The following NALF1 variants were observed in gnomAD, a reference collection of about 807,000 sequenced individuals.
The protein encoded by NALF1 is family with sequence similarity 155 member A.
In NALF1, 3 loss-of-function variants were observed where a neutral mutation model predicts 48.4. That is an observed-to-expected ratio of 0.06 (90% CI 0.03 to 0.16). The LOEUF is 0.16. Among genes scored for constraint, NALF1 ranks in the 10% least tolerant of loss-of-function variants. The pLI, the probability that NALF1 is intolerant of heterozygous loss-of-function variation, is 1.00. For missense variants in NALF1, 526 were observed against 571.5 expected, an observed-to-expected ratio of 0.92 and a Z score of 0.81; for synonymous variants, 262 against 245.7, an observed-to-expected ratio of 1.07 and a Z score of -0.62.
intron 1 of NALF1, among the ~76,000 whole-genome samples, chr13:107,298,284 A>G (rs1881763534): frequency 7.8e-6 from 1 of 127,944 alleles, no homozygotes; most frequent in Non-Finnish European, 1.6e-5. Context: ...CAGGAGGCGG[A>G]GCTTGCAGTG....
chr13:107,707,242 A>G (rs1316227467), intron 1 of NALF1, among the ~76,000 whole-genome samples: 3 of 152,164 alleles, frequency 2.0e-5, no homozygotes, highest in Non-Finnish European at 2.9e-5. Context: ...TTATGATATT[A>G]TGTCACTAGA....
At chr13:107,850,830 G>C (rs1377771201) in intron 1 of NALF1, among the ~76,000 whole-genome samples, 1 of 152,010 alleles carries the variant, frequency 6.6e-6, no homozygotes, top group African/African-American at 2.4e-5. Flanking sequence ...TTGAACCCAG[G>C]AGGCAGAGGT....
chr13:107,848,581 C>G (rs952563803), intron 1 of NALF1, among the ~76,000 whole-genome samples: 2 of 152,156 alleles, frequency 1.3e-5, no homozygotes, highest in African/African-American at 4.8e-5. Flanking sequence ...TGTGGACAAA[C>G]AGTAACACAT....
Position 107,331,544 on chromosome 13 carries a change from C to T in NALF1, c.916-120789G>A, listed in dbSNP as rs190609637. On this transcript the variant is annotated intron_variant, in intron 1 of 2. Coordinates refer to ENST00000375915, the MANE Select transcript of NALF1 (RefSeq NM_001080396.3). ...GTGGTTTTTACCATAAAAGTGATGG[C>T]CAAAACCGCAATTACTTTTGCACCA... Among the ~76,000 whole-genome samples, 295 of 152,118 alleles carry T rather than the reference C, an allele frequency of 1.9e-3. 1 individual carries two copies. Among genetic ancestry groups the T allele is most frequent in the African/African-American group, 6.7e-3 (279 of 41,494 alleles).
intron 1 of NALF1, among the ~76,000 whole-genome samples, chr13:107,494,078 T>C (rs1157076640): frequency 1.3e-5 from 2 of 150,426 alleles, no homozygotes; most frequent in Admixed American, 1.3e-4. Context: ...AATGTGGTTC[T>C]GAAAATTGAT....
intron 1 of NALF1, among the ~76,000 whole-genome samples, chr13:107,399,379 A>G (rs1175511177): frequency 6.6e-6 from 1 of 152,178 alleles, no homozygotes; most frequent in Non-Finnish European, 1.5e-5. Context: ...AAAATGATCA[A>G]CATTCATAAC....
At chr13:107,859,531 GTACAA>G (rs945782036) in intron 1 of NALF1, among the ~76,000 whole-genome samples, 4 of 152,124 alleles carry the variant, frequency 2.6e-5, no homozygotes, top group Admixed American at 6.5e-5. Context: ...ATGCATTCCA[GTACAA>G]TACAACTGTA....
chr13:107,313,098 A>C (rs115255239), intron 1 of NALF1, among the ~76,000 whole-genome samples: 1 of 152,258 alleles, frequency 6.6e-6, no homozygotes, highest in Admixed American at 6.5e-5. Flanking sequence ...CTTGGAAGAT[A>C]AAATGGAGAA....
At chr13:107,641,309 C>A (rs753752645) in intron 1 of NALF1, among the ~76,000 whole-genome samples, 1 of 151,984 alleles carries the variant, frequency 6.6e-6, no homozygotes, top group Non-Finnish European at 1.5e-5. Context: ...AAATACCATT[C>A]GATACAAGGA....
intron 1 of NALF1, among the ~76,000 whole-genome samples, chr13:107,436,312 A>AT (rs928269645): frequency 2.6e-5 from 4 of 152,176 alleles, no homozygotes; most frequent in African/African-American, 4.8e-5. Flanking sequence ...TTGAATCTAG[A>AT]TTTTTTTAAA....
intron 1 of NALF1, among the ~76,000 whole-genome samples, chr13:107,536,099 T>C (rs1320474625): frequency 1.3e-5 from 2 of 152,162 alleles, no homozygotes; most frequent in Non-Finnish European, 2.9e-5. Context: ...AAGAATTACA[T>C]GTTAGACCTA....
At chr13:107,847,349 G>A (rs1340175375) in intron 1 of NALF1, among the ~76,000 whole-genome samples, 1 of 152,222 alleles carries the variant, frequency 6.6e-6, no homozygotes, top group East Asian at 1.9e-4. Flanking sequence ...AAAAAATAAT[G>A]TAACGGATGT....
chr13:107,419,994 A>T (rs1884158545), intron 1 of NALF1, among the ~76,000 whole-genome samples: 1 of 152,194 alleles, frequency 6.6e-6, no homozygotes, highest in Admixed American at 6.6e-5. Context: ...GGAACTGAAA[A>T]GTAACAAAAA....
At chr13:107,575,184 G>C (rs78818202) in intron 1 of NALF1, among the ~76,000 whole-genome samples, 1,793 of 152,192 alleles carry the variant, frequency 0.012, 13 homozygotes, top group Non-Finnish European at 0.019. Flanking sequence ...TTTGGTAATA[G>C]AAGAGAGCCT....
rs533034299 is a variant in NALF1, at chr13:107,340,442, TTC to T, written c.916-129689_916-129688del. 9.1e-3 allele frequency among the ~76,000 whole-genome samples: 989 copies of T among 108,590 alleles called. 7 individuals carry two copies. Among genetic ancestry groups the T allele is most frequent in the Middle Eastern group, 0.014 (3 of 208 alleles). 71.2% of individuals were successfully genotyped at this position (108,590 alleles called of 152,430 possible). ...AGACATGAGTTACGGCGCCTGACCT[TTC>T]TCTTTCTTTCTTTCTTTCTTTCTTC... On this transcript the variant is annotated intron_variant, in intron 1 of 2. Coordinates refer to ENST00000375915, the MANE Select transcript of NALF1 (RefSeq NM_001080396.3).
At chr13:107,182,394 T>G (rs898143007) in intron 2 of NALF1, among the ~76,000 whole-genome samples, 8 of 151,892 alleles carry the variant, frequency 5.3e-5, no homozygotes, top group African/African-American at 1.9e-4. Flanking sequence ...TGCCTCAGCC[T>G]CTCTCAAGTA....
At chr13:107,331,597 G>T (rs1882470114) in intron 1 of NALF1, among the ~76,000 whole-genome samples, 1 of 152,132 alleles carries the variant, frequency 6.6e-6, no homozygotes, top group Non-Finnish European at 1.5e-5. Flanking sequence ...CGTTTACATG[G>T]TTAACTAGTA....
At chr13:107,726,724 C>T (rs1167026730) in intron 1 of NALF1, among the ~76,000 whole-genome samples, 1 of 151,508 alleles carries the variant, frequency 6.6e-6, no homozygotes, top group Admixed American at 6.6e-5. Context: ...ATTCTCCTAC[C>T]TCAGCCCATT....
At chr13:107,275,271 T>A (rs1363205081) in intron 1 of NALF1, among the ~76,000 whole-genome samples, 1 of 152,140 alleles carries the variant, frequency 6.6e-6, no homozygotes, top group African/African-American at 2.4e-5. Flanking sequence ...TCACCAAACA[T>A]CTCTCTAATG....
Sources: gnomAD v4.1 joint callset for allele counts (sites outside exome capture counted in the v4.1 genomes callset) on GRCh38, gnomAD v4.1.1 for gene constraint, MANE v1.5 for transcripts, NCBI Gene and HGNC (gene_info 2026-07-23, HGNC 2026-07-21) for gene names.